NPSR1: variants seen among roughly 807,000 people sequenced by gnomAD.
NPSR1 encodes neuropeptide S receptor.
In NPSR1, 48 loss-of-function variants were observed where a neutral mutation model predicts 46.9. The observed-to-expected ratio is 1.02, with a 90% CI of 0.81 to 1.30. The LOEUF is 1.30. NPSR1 is among the 50% of genes most tolerant of loss of function. The pLI is 0.00. For synonymous variants in NPSR1, 176 were observed against 168.1 expected, an observed-to-expected ratio of 1.05 and a Z score of -0.36; for missense variants, 450 against 449.5, an observed-to-expected ratio of 1.00 and a Z score of -0.01.
intron 3 of NPSR1, among the ~76,000 whole-genome samples, chr7:34,791,475 A>G (rs1389776319): frequency 3.3e-5 from 5 of 151,114 alleles, no homozygotes; most frequent in African/African-American, 1.2e-4. Flanking sequence ...TCCAAAAAGA[A>G]TAAAATACGT....
chr7:34,793,918 C>T (rs1788052598), intron 3 of NPSR1, among the ~76,000 whole-genome samples: 1 of 152,128 alleles, frequency 6.6e-6, no homozygotes, highest in Non-Finnish European at 1.5e-5. Context: ...TCATCTGTGA[C>T]AACATAGATG....
At chr7:34,790,887 A>G (rs1193286318) in intron 3 of NPSR1, among the ~76,000 whole-genome samples, 9 of 123,688 alleles carry the variant, frequency 7.3e-5, no homozygotes, top group Admixed American at 5.9e-4. Context: ...TATATTATAT[A>G]TCATATATGT....
At chr7:34,795,036 C>G (rs560450928) in intron 3 of NPSR1, among the ~76,000 whole-genome samples, 2 of 151,890 alleles carry the variant, frequency 1.3e-5, no homozygotes, top group Admixed American at 1.3e-4. Context: ...GAGACCCTAT[C>G]TCTTAAAAAA....
intron 1 of NPSR1, 112 bp from the exon 2 acceptor site, chr7:34,684,440 C>T (rs1249209348): frequency 3.9e-6 from 4 of 1,014,842 alleles, no homozygotes; most frequent in Admixed American, 4.8e-5. Context: ...GTAGAGCTTC[C>T]AAAAGTAGGG....
intron 8 of NPSR1, 24 bp downstream of exon 8, chr7:34,848,687 C>G: frequency 6.2e-7 from 1 of 1,602,262 alleles, no homozygotes; most frequent in African/African-American, 1.3e-5. Context: ...TTGCATGGGT[C>G]AGACACACTG....
chr7:34,703,097 T>C (rs1004320939), intron 2 of NPSR1, among the ~76,000 whole-genome samples: 23 of 152,264 alleles, frequency 1.5e-4, no homozygotes, highest in South Asian at 2.1e-4. Flanking sequence ...CGGTGGCTCA[T>C]GCCTGTAATC....
intron 3 of NPSR1, among the ~76,000 whole-genome samples, chr7:34,810,291 T>C (rs115236268): frequency 0.01 from 1,546 of 152,338 alleles, 27 homozygotes; most frequent in African/African-American, 0.035. Context: ...AGGCTCCAAG[T>C]TACCTGAAAA....
intron 2 of NPSR1, among the ~76,000 whole-genome samples, chr7:34,708,447 A>G (rs1345267): frequency 0.41 from 62,097 of 152,012 alleles, 13,271 homozygotes; most frequent in African/African-American, 0.53. Flanking sequence ...CATGGGCTGA[A>G]CAGGTAAGAT....
chr7:34,660,023 T>C, intron 1 of NPSR1: 1 of 443,284 alleles, frequency 2.3e-6, no homozygotes, highest in Non-Finnish European at 4.6e-6. Flanking sequence ...TGAAATCTCA[T>C]TTGCCATTTT....
intron 3 of NPSR1, among the ~76,000 whole-genome samples, chr7:34,794,768 T>C (rs1208328795): frequency 6.6e-6 from 1 of 152,140 alleles, no homozygotes; most frequent in Non-Finnish European, 1.5e-5. Context: ...CTGATGAATA[T>C]AGATGCAATA....
chr7:34,688,043 A>C (rs1324501448), intron 2 of NPSR1, among the ~76,000 whole-genome samples: 2 of 152,224 alleles, frequency 1.3e-5, no homozygotes, highest in Non-Finnish European at 2.9e-5. Context: ...TTTGATAAAC[A>C]TTCCAGGGTT....
intron 2 of NPSR1, among the ~76,000 whole-genome samples, chr7:34,692,187 T>C (rs775336268): frequency 3.3e-5 from 5 of 152,046 alleles, no homozygotes; most frequent in Admixed American, 2.0e-4. Flanking sequence ...TTAAACTATA[T>C]ATAGACCAAA....
At position 34,745,685 on chromosome 7, in the gene NPSR1, A is replaced by AT. The variant is rs568612191; in HGVS notation, c.281-32768dup. ...AGGTGTGCACCACCAAGCCCAGCTA[A>AT]TTTTTTTTTCTGGAGATAGGGTCTC... is the stretch of plus-strand genomic sequence containing the variant. On this transcript the variant is annotated intron_variant, in intron 2 of 8. Coordinates refer to ENST00000360581, the MANE Select transcript of NPSR1 (RefSeq NM_207172.2). Among the ~76,000 whole-genome samples the AT allele has an allele frequency of 1.3e-4, 19 of 151,442 alleles. No individual in the cohort carries two copies. In the East Asian group the frequency reaches 2.3e-3, roughly 19 times the overall value.
At chr7:34,695,552 T>C (rs757572115) in intron 2 of NPSR1, among the ~76,000 whole-genome samples, 1 of 151,992 alleles carries the variant, frequency 6.6e-6, no homozygotes, top group African/African-American at 2.4e-5. Flanking sequence ...GCAGATTATT[T>C]CTCCAACAAA....
chr7:34,699,214 T>C (rs1793692984), intron 2 of NPSR1, among the ~76,000 whole-genome samples: 1 of 152,200 alleles, frequency 6.6e-6, no homozygotes, highest in Admixed American at 6.5e-5. Context: ...GTGTGGTGGC[T>C]CACGCCTATA....
intron 2 of NPSR1, chr7:34,711,388 G>C (rs563520291): frequency 3.2e-4 from 49 of 152,474 alleles, no homozygotes; most frequent in African/African-American, 1.1e-3. Context: ...CTCTCTATGA[G>C]ATGGAATGAA....
intron 4 of NPSR1, among the ~76,000 whole-genome samples, chr7:34,826,782 G>A (rs1789866951): frequency 6.6e-6 from 1 of 151,692 alleles, no homozygotes; most frequent in African/African-American, 2.4e-5. Context: ...AGTCCAGTGT[G>A]CAGACATAGC....
At chr7:34,740,908 T>G (rs1312560076) in intron 2 of NPSR1, among the ~76,000 whole-genome samples, 7 of 152,222 alleles carry the variant, frequency 4.6e-5, no homozygotes, top group Non-Finnish European at 2.9e-5. Context: ...AGCTGCAATC[T>G]AGTCCTGCCT....
chr7:34,779,239 T>A (rs1377649926), intron 3 of NPSR1, among the ~76,000 whole-genome samples: 1 of 152,012 alleles, frequency 6.6e-6, no homozygotes, highest in East Asian at 1.9e-4. Flanking sequence ...CTTGTTAATA[T>A]GCATTAGATG....
Sources: gnomAD v4.1 joint callset for allele counts (sites outside exome capture counted in the v4.1 genomes callset) on GRCh38, gnomAD v4.1.1 for gene constraint, MANE v1.5 for transcripts, NCBI Gene and HGNC (gene_info 2026-07-23, HGNC 2026-07-21) for gene names.